SFSWAP: variants seen among roughly 807,000 people sequenced by gnomAD.
SFSWAP encodes splicing factor, suppressor of white-apricot homolog.
In SFSWAP, 17 loss-of-function variants were observed where a neutral mutation model predicts 100.7. The ratio of observed to expected loss-of-function variants is 0.17; its 90% confidence interval spans 0.12 to 0.25. SFSWAP has a LOEUF of 0.25. Ranked by LOEUF, SFSWAP falls within the 10% of genes least tolerant of loss-of-function variation. SFSWAP has a pLI of 1.00. For synonymous variants in SFSWAP, 504 were observed against 510.1 expected, an observed-to-expected ratio of 0.99 and a Z score of 0.16; for missense variants, 1,005 against 1,262.6, an observed-to-expected ratio of 0.80 and a Z score of 3.09.
At chr12:131,720,419 T>C (rs1312568226) in intron 4 of SFSWAP, among the ~76,000 whole-genome samples, 1 of 152,222 alleles carries the variant, frequency 6.6e-6, no homozygotes, top group Non-Finnish European at 1.5e-5. Context: ...TATGGGATTT[T>C]TATATGTTTA....
At chr12:131,745,064 G>T (rs1880988589) in intron 7 of SFSWAP, among the ~76,000 whole-genome samples, 1 of 152,230 alleles carries the variant, frequency 6.6e-6, no homozygotes, top group South Asian at 2.1e-4. Context: ...TGTGGGTGGG[G>T]ACACAGCCAA....
At chr12:131,769,042 T>G (rs748021954) in intron 13 of SFSWAP, among the ~76,000 whole-genome samples, 5 of 151,618 alleles carry the variant, frequency 3.3e-5, no homozygotes, top group African/African-American at 7.3e-5. Flanking sequence ...CAGGAGAATC[T>G]CTTGAACCTG....
chr12:131,770,962 C>T (rs1883542774), intron 13 of SFSWAP, among the ~76,000 whole-genome samples: 1 of 152,216 alleles, frequency 6.6e-6, no homozygotes, highest in Non-Finnish European at 1.5e-5. Context: ...GCCTGGCTGA[C>T]TTCACCTAGC....
chr12:131,732,893 T>C (rs1228880331), intron 7 of SFSWAP, among the ~76,000 whole-genome samples: 1 of 147,196 alleles, frequency 6.8e-6, no homozygotes, highest in Admixed American at 6.8e-5. Context: ...ACTGATAACA[T>C]TTTGGGAGAC....
intron 3 of SFSWAP, among the ~76,000 whole-genome samples, chr12:131,718,309 G>T (rs949030306): frequency 6.6e-6 from 1 of 152,166 alleles, no homozygotes; most frequent in Admixed American, 6.5e-5. Flanking sequence ...TTTTGATGAA[G>T]ATTTAAGGTT....
At chr12:131,781,438 C>T (rs922635173) in intron 14 of SFSWAP, among the ~76,000 whole-genome samples, 3 of 151,710 alleles carry the variant, frequency 2.0e-5, no homozygotes, top group Non-Finnish European at 4.4e-5. Flanking sequence ...GGGGTTTCAC[C>T]GTGTTAGCCA....
At chr12:131,728,702 C>CTTT (rs767892575) in intron 7 of SFSWAP, among the ~76,000 whole-genome samples, 1 of 139,128 alleles carries the variant, frequency 7.2e-6, no homozygotes. Context: ...GCCCTTCTTT[C>CTTT]TTTTTTTTTT....
intron 11 of SFSWAP, among the ~76,000 whole-genome samples, chr12:131,759,019 G>A (rs181535693): frequency 2.6e-5 from 4 of 152,302 alleles, no homozygotes; most frequent in African/African-American, 7.2e-5. Context: ...CCCAGGAGAC[G>A]GAGGTTGCAG....
intron 3 of SFSWAP, 76 bp from the exon 4 acceptor site, chr12:131,719,378 C>T (rs1195168731): frequency 2.0e-6 from 2 of 1,022,872 alleles, no homozygotes; most frequent in Admixed American, 1.8e-5. Context: ...TCACATGCTT[C>T]CATCTTGCTG....
At chr12:131,724,257 A>G (rs1397918769) in intron 4 of SFSWAP, among the ~76,000 whole-genome samples, 54 of 152,250 alleles carry the variant, frequency 3.5e-4, no homozygotes, top group Non-Finnish European at 1.5e-5. Context: ...GGCCAGTATC[A>G]TATTTTCCTT....
chr12:131,773,383 G>A (rs1352447932), intron 13 of SFSWAP, among the ~76,000 whole-genome samples: 3 of 151,454 alleles, frequency 2.0e-5, no homozygotes, highest in African/African-American at 4.9e-5. Context: ...TCTGTCGCCC[G>A]AGCTAGAATG....
intron 7 of SFSWAP, among the ~76,000 whole-genome samples, chr12:131,736,697 A>G (rs1185250802): frequency 6.6e-6 from 1 of 152,214 alleles, no homozygotes; most frequent in Non-Finnish European, 1.5e-5. Context: ...ACTCATAGGC[A>G]TACAGAACAC....
intron 7 of SFSWAP, among the ~76,000 whole-genome samples, chr12:131,732,930 C>T (rs761704738): frequency 7.9e-5 from 12 of 152,268 alleles, no homozygotes; most frequent in South Asian, 4.1e-4. Context: ...CCTGGGGCCC[C>T]GTGGGGTCTG....
chr12:131,739,326 A>G (rs892227821), intron 7 of SFSWAP, among the ~76,000 whole-genome samples: 19 of 152,216 alleles, frequency 1.2e-4, no homozygotes, highest in East Asian at 1.9e-4. Context: ...CATTGTGTCA[A>G]TATGCATTGC....
intron 15 of SFSWAP, chr12:131,796,154 T>A (rs2136283642): frequency 6.6e-6 from 1 of 152,414 alleles, no homozygotes; most frequent in South Asian, 2.1e-4. Flanking sequence ...AAGCGCAGGC[T>A]GCAGCGTCTG....
intron 7 of SFSWAP, among the ~76,000 whole-genome samples, chr12:131,736,658 A>C (rs1331472538): frequency 6.6e-6 from 1 of 152,070 alleles, no homozygotes; most frequent in African/African-American, 2.4e-5. Flanking sequence ...TTAGGATGTG[A>C]GGCTTCGTGT....
At chr12:131,795,539 C>T (rs534758915) in intron 15 of SFSWAP, among the ~76,000 whole-genome samples, 2 of 152,146 alleles carry the variant, frequency 1.3e-5, no homozygotes, top group Non-Finnish European at 2.9e-5. Flanking sequence ...GGGTCTGCAC[C>T]CCAGACTCTG....
In SFSWAP at chr12:131,733,174, AT is replaced by A. The variant is rs1327176510; in HGVS notation, c.1081+4747del. Among the ~76,000 whole-genome samples the A allele has an allele frequency of 6.6e-6, 1 of 152,200 alleles. No homozygotes were observed. Among genetic ancestry groups the A allele is most frequent in the Non-Finnish European group, 1.5e-5 (1 of 68,038 alleles). The stretch of plus-strand genomic sequence containing the variant: ...GCCATGGACTTGAAACGTCAGCTGT[AT>A]GAGAGCGGGCGGGGGATGGCGCGGT... On this transcript the variant is annotated intron_variant, in intron 7 of 17. Transcript: ENST00000261674. The surrounding 1 kb of genome is among the most constrained non-coding windows in gnomAD (Gnocchi z 5.1).
At chr12:131,755,764 G>A (rs937789979) in intron 10 of SFSWAP, among the ~76,000 whole-genome samples, 5 of 152,198 alleles carry the variant, frequency 3.3e-5, no homozygotes, top group South Asian at 2.1e-4. Flanking sequence ...TGTTTTGGCC[G>A]TCTACAGTTA....
Sources: allele counts gnomAD v4.1 joint callset (sites outside exome capture counted in the v4.1 genomes callset), GRCh38; gene constraint gnomAD v4.1.1; non-coding constraint Gnocchi (gnomAD v3.1); transcripts MANE v1.5; gene names NCBI Gene and HGNC (gene_info 2026-07-23, HGNC 2026-07-21).